Variants in FHIT observed in about 807,000 individuals in gnomAD.
FHIT encodes bis(5'-adenosyl)-triphosphatase.
In FHIT, 19 loss-of-function variants were observed where a neutral mutation model predicts 17.9. The observed-to-expected ratio is 1.06, with a 90% confidence interval of 0.74 to 1.56. The LOEUF is 1.56. FHIT is among the 40% of genes most tolerant of loss of function. The pLI, the probability that FHIT is intolerant of heterozygous loss-of-function variation, is 0.00. For missense variants in FHIT, 248 were observed against 189.2 expected, an observed-to-expected ratio of 1.31 and a Z score of -1.82; for synonymous variants, 81 against 69.7, an observed-to-expected ratio of 1.16 and a Z score of -0.81.
rs141105041 is a variant in FHIT, at chr3:60,354,535, G to A, written c.103+182325C>T. Among the ~76,000 whole-genome samples the A allele has an allele frequency of 3.3e-5, 5 of 152,296 alleles. No individual in the cohort carries two copies. The East Asian group carries it at 9.6e-4, about 29-fold the overall frequency. ...TTATCAGAACAAGAATTCAATGCCA[G>A]TTAAGTCACCTTTCCCAAATTTAAT... On this transcript the variant is annotated intron_variant, in intron 5 of 9. Transcript: ENST00000492590.
At chr3:60,907,768 CA>C (rs1553764918) in intron 3 of FHIT, among the ~76,000 whole-genome samples, 1 of 152,056 alleles carries the variant, frequency 6.6e-6, no homozygotes, top group Non-Finnish European at 1.5e-5. Context: ...ATAGACTGTA[CA>C]AAAATTAATC....
intron 3 of FHIT, among the ~76,000 whole-genome samples, chr3:61,039,098 A>T (rs1467765117): frequency 6.6e-6 from 1 of 152,190 alleles, no homozygotes; most frequent in Non-Finnish European, 1.5e-5. Flanking sequence ...AGTAAAGATT[A>T]TATGAGGAAA....
At chr3:60,040,984 A>AG (rs201906681) in intron 5 of FHIT, among the ~76,000 whole-genome samples, 1 of 152,070 alleles carries the variant, frequency 6.6e-6, no homozygotes, top group African/African-American at 2.4e-5. Flanking sequence ...AAAGCTAGAA[A>AG]GGGGGGTTTA....
chr3:61,137,245 G>A (rs1043453356), intron 2 of FHIT, among the ~76,000 whole-genome samples: 3 of 141,132 alleles, frequency 2.1e-5, no homozygotes, highest in African/African-American at 2.6e-5. Flanking sequence ...TTTCTAAAAC[G>A]TATCATAGGT....
chr3:61,061,258 G>A (rs980509530), intron 2 of FHIT, among the ~76,000 whole-genome samples: 3 of 152,050 alleles, frequency 2.0e-5, no homozygotes, highest in Admixed American at 6.6e-5. Context: ...AGTTTCAGTC[G>A]GTTGGTTTTG....
chr3:60,873,413 G>T (rs79417048), intron 3 of FHIT, among the ~76,000 whole-genome samples: 1 of 152,178 alleles, frequency 6.6e-6, no homozygotes, highest in Non-Finnish European at 1.5e-5. Flanking sequence ...AGCACTCAGC[G>T]CCGTCCCAGG....
intron 3 of FHIT, among the ~76,000 whole-genome samples, chr3:60,883,202 T>C (rs971417224): frequency 6.6e-6 from 1 of 152,044 alleles, no homozygotes; most frequent in African/African-American, 2.4e-5. Context: ...AGGACACTGA[T>C]AAAAGAAATT....
intron 5 of FHIT, among the ~76,000 whole-genome samples, chr3:60,099,142 C>G (rs1325854279): frequency 6.6e-6 from 1 of 152,108 alleles, no homozygotes; most frequent in Non-Finnish European, 1.5e-5. Context: ...TGCGCTGTTG[C>G]CTGAACATAC....
intron 4 of FHIT, among the ~76,000 whole-genome samples, chr3:60,810,399 A>G (rs996195685): frequency 3.9e-5 from 6 of 152,190 alleles, no homozygotes; most frequent in African/African-American, 7.2e-5. Context: ...CCTCTTTCCC[A>G]TAGGAGCGAC....
At chr3:60,648,172 A>AC (rs1553687302) in intron 4 of FHIT, among the ~76,000 whole-genome samples, 1 of 152,196 alleles carries the variant, frequency 6.6e-6, no homozygotes, top group East Asian at 1.9e-4. Context: ...GTTGACGTCC[A>AC]CCTAGGTATC....
chr3:59,847,141 A>G (rs1323931627), intron 8 of FHIT, among the ~76,000 whole-genome samples: 1 of 152,088 alleles, frequency 6.6e-6, no homozygotes, highest in Non-Finnish European at 1.5e-5. Flanking sequence ...GGAAGTTTTT[A>G]TTCATTATTT....
chr3:60,946,652 G>A (rs1708653400), intron 3 of FHIT, among the ~76,000 whole-genome samples: 1 of 152,152 alleles, frequency 6.6e-6, no homozygotes, highest in African/African-American at 2.4e-5. Flanking sequence ...CTGTAGAAGA[G>A]TTTTATGGCA....
At chr3:60,391,446 G>A (rs1227058865) in intron 5 of FHIT, among the ~76,000 whole-genome samples, 7 of 152,098 alleles carry the variant, frequency 4.6e-5, no homozygotes, top group Admixed American at 4.6e-4. Context: ...GTCTACAGAG[G>A]CATACAGTAA....
At chr3:60,500,473 T>G (rs1010455263) in intron 5 of FHIT, among the ~76,000 whole-genome samples, 3 of 151,416 alleles carry the variant, frequency 2.0e-5, no homozygotes, top group East Asian at 1.9e-4. Context: ...CTAGCAAGAG[T>G]TGTATTGGTG....
intron 7 of FHIT, among the ~76,000 whole-genome samples, chr3:59,972,182 C>T (rs1708215410): frequency 6.6e-6 from 1 of 152,062 alleles, no homozygotes; most frequent in South Asian, 2.1e-4. Context: ...ACAGAATGTG[C>T]CCTGTTAAGT....
chr3:59,884,870 T>G (rs953781669), intron 8 of FHIT, among the ~76,000 whole-genome samples: 1 of 152,210 alleles, frequency 6.6e-6, no homozygotes, highest in African/African-American at 2.4e-5. Context: ...ACTCTGTATG[T>G]CTCAATAATG....
chr3:60,026,226 G>A (rs556063859), intron 5 of FHIT, among the ~76,000 whole-genome samples: 11 of 151,778 alleles, frequency 7.2e-5, no homozygotes, highest in African/African-American at 2.7e-4. Context: ...GTTAATATCT[G>A]TACCTACTTC....
chr3:60,182,630 CA>C (rs1366503064), intron 5 of FHIT, among the ~76,000 whole-genome samples: 1 of 151,752 alleles, frequency 6.6e-6, no homozygotes, highest in East Asian at 1.9e-4. Context: ...AATATAACAA[CA>C]AAAAAGTCAG....
At chr3:60,543,545 T>C (rs1424370145) in intron 4 of FHIT, among the ~76,000 whole-genome samples, 2 of 152,218 alleles carry the variant, frequency 1.3e-5, no homozygotes, top group Non-Finnish European at 1.5e-5. Context: ...ATATGTTTTA[T>C]GCATTCTATC....
Sources: allele counts gnomAD v4.1 joint callset (sites outside exome capture counted in the v4.1 genomes callset), GRCh38; gene constraint gnomAD v4.1.1; transcripts MANE v1.5; gene names NCBI Gene and HGNC (gene_info 2026-07-23, HGNC 2026-07-21).